The following DELE1 variants were observed in gnomAD, a reference collection of about 807,000 sequenced individuals.
DELE1 encodes the protein death ligand signal enhancer.
Under a neutral mutation model 59.3 loss-of-function variants are expected in DELE1, and 54 were observed. The observed-to-expected ratio is 0.91, with a 90% CI of 0.73 to 1.14. The LOEUF is 1.14. Among genes scored for constraint, DELE1 ranks in the 50% most tolerant of loss-of-function variants. The pLI is 0.00. For synonymous variants in DELE1, 264 were observed against 259.1 expected, an observed-to-expected ratio of 1.02 and a Z score of -0.18; for missense variants, 636 against 643.9, an observed-to-expected ratio of 0.99 and a Z score of 0.13.
chr5:141,928,450 C>A, intron 4 of DELE1, 152 bp downstream of exon 4: 1 of 932,856 alleles, frequency 1.1e-6, no homozygotes, highest in Non-Finnish European at 1.6e-6. Context: ...GAAGTTCTAT[C>A]CACCCAGGGC....
chr5:141,941,601 C>A lies in DELE1; in HGVS notation c.*2842C>A. 1 of 985,454 alleles carries A rather than the reference C, an allele frequency of 1.0e-6. No homozygotes were observed. Among genetic ancestry groups the A allele is most frequent in the Non-Finnish European group, 1.2e-6 (1 of 829,974 alleles). The allele number at this position is 985,454 out of a possible 1,614,324, so 61.0% of individuals were successfully genotyped here. ...GGGAGGTGGCTCCCATCAGCAGGGCCAGCCTGGGTCAGGATGCTGGGTTAA... is the reference window on the plus strand; with the variant it reads ...GGGAGGTGGCTCCCATCAGCAGGGCAAGCCTGGGTCAGGATGCTGGGTTAA... On this transcript the variant is annotated 3_prime_UTR_variant, in exon 12 of 12. Coordinates refer to ENST00000432126, the MANE Select transcript of DELE1 (RefSeq NM_014773.5).
rs137927996 is a variant in DELE1, at chr5:141,941,971, GCACA to G, written c.*3224_*3227del. The stretch of plus-strand genomic sequence containing the variant: ...TCGCCGCCTATACACACGCACACAC[GCACA>G]CACACACACACGGTTTCCTGTGCTA... On this transcript the variant is annotated 3_prime_UTR_variant, in exon 12 of 12. Transcript: ENST00000432126. The G allele has an allele frequency of 1.7e-4, 158 of 952,274 alleles. No individual in the cohort carries two copies. The East Asian group carries it at 4.6e-3, about 28-fold the overall frequency. 59.0% of individuals were successfully genotyped at this position (952,274 alleles called of 1,614,324 possible).
Position 141,934,422 on chromosome 5 carries a change from T to C in DELE1, c.1056+24T>C, listed in dbSNP as rs370549709. The C allele has an allele frequency of 1.4e-5, 23 of 1,614,186 alleles. No homozygotes were observed. In the African/African-American group the frequency reaches 2.8e-4, roughly 20 times the overall value. On this transcript the variant is annotated intron_variant, in intron 9 of 11. Coordinates refer to ENST00000432126, the MANE Select transcript of DELE1 (RefSeq NM_014773.5). ...AGGTGAGTGCCATTGGCAGGGTCTG[T>C]TCAAGGTCTCTGAGGCCTGTGGAGC... is the stretch of plus-strand genomic sequence containing the variant.
Position 141,934,569 on chromosome 5 carries a change from CT to C in DELE1, c.1134del (p.Ala379GlnfsTer31). On this transcript the variant is annotated frameshift_variant, in exon 10 of 12. Transcript: ENST00000432126. LOFTEE classifies it high-confidence loss of function. Reference sequence around the variant, plus strand: ...GCAGAGAGCTGTGAAATATCTTTGGCTTGCAGCCAACAATGGGGTATGCGAT... The same window carrying C: ...GCAGAGAGCTGTGAAATATCTTTGGCTGCAGCCAACAATGGGGTATGCGAT... ...DEQRAVKYLWLAANNGDSQSR... is the reference protein window; with the variant it reads ...DEQRAVKYLWXAANNGDSQSR... 6.2e-7 allele frequency: 1 copy of C among 1,614,246 alleles called. No individual in the cohort carries two copies. Among genetic ancestry groups the C allele is most frequent in the Non-Finnish European group, 8.5e-7 (1 of 1,180,030 alleles).
Position 141,923,972 on chromosome 5 carries a change from G to A in DELE1, c.31G>A (p.Ala11Thr), listed in dbSNP as rs567837140. MWRLPGLLGR[A>T]LPRTLGPSLW... ...GCGCCTCCCGGGACTCCTGGGCCGA[G>A]GTAAGGGACGTCCAAGCAACCAGCG... is the stretch of plus-strand genomic sequence containing the variant. Residue 11 changes from alanine to threonine, a missense_variant and splice_region_variant, in exon 1 of 12, where the codon GCT (alanine) becomes ACT (threonine). Ala to Thr is a moderately conservative substitution (Grantham distance 58). Transcript: ENST00000432126. 6.2e-7 allele frequency: 1 copy of A among 1,609,902 alleles called. No individual in the cohort carries two copies. The highest frequency in any genetic ancestry group is 8.5e-7 in the Non-Finnish European group (1 of 1,178,358).
chr5:141,929,977 T>C lies in DELE1; in HGVS notation c.572-12T>C. The C allele has an allele frequency of 6.2e-7, 1 of 1,613,438 alleles. No individual in the cohort carries two copies. Among genetic ancestry groups the C allele is most frequent in the Non-Finnish European group, 8.5e-7 (1 of 1,179,556 alleles). ...CCTTTGCCCTGGCCGGGTGTCGGCC[T>C]TTCCCTTGCAGGTCCCGGTGATTTT... On this transcript the variant is annotated splice_polypyrimidine_tract_variant and intron_variant, in intron 5 of 11. Transcript: ENST00000432126.
rs1752581942 is a variant in DELE1, at chr5:141,938,970, A to G, written c.*211A>G. On this transcript the variant is annotated 3_prime_UTR_variant, in exon 12 of 12. Coordinates refer to ENST00000432126, the MANE Select transcript of DELE1 (RefSeq NM_014773.5). ...ATGAGTCTTGGATGCATTCACAGTCATTTCTGGTCTGTGCACCAAAGGATG... is the reference window on the plus strand; with the variant it reads ...ATGAGTCTTGGATGCATTCACAGTCGTTTCTGGTCTGTGCACCAAAGGATG... 1.9e-5 allele frequency: 27 copies of G among 1,396,112 alleles called. No homozygotes were observed. The highest frequency in any genetic ancestry group is 2.5e-5 in the Non-Finnish European group (27 of 1,077,602). 86.5% of individuals were successfully genotyped at this position (1,396,112 alleles called of 1,614,324 possible). A position where few individuals can be genotyped will look rare whatever the true frequency, so the allele number is the denominator to read the frequency against.
At chr5:141,929,895 G>T in intron 5 of DELE1, 94 bp from the exon 6 acceptor site, 1 of 1,515,392 alleles carries the variant, frequency 6.6e-7, no homozygotes, top group Non-Finnish European at 9.2e-7. Flanking sequence ...TGGCAAGGGT[G>T]CTGGCTGGAA....
At position 141,933,397 on chromosome 5, in the gene DELE1, G is replaced by A. The variant is rs1167809505; in HGVS notation, c.893G>A (p.Ser298Asn). 1.6e-5 allele frequency: 24 copies of A among 1,493,682 alleles called. No homozygotes were observed. Among genetic ancestry groups the A allele is most frequent in the Non-Finnish European group, 2.2e-5 (24 of 1,100,112 alleles). The allele number at this position is 1,493,682 out of a possible 1,614,324, so 92.5% of individuals were successfully genotyped here. Residue 298 changes from serine to asparagine, a missense_variant, in exon 8 of 12, where the codon AGC becomes AAC. Physicochemically the swap from Ser to Asn is conservative, Grantham distance 46. Coordinates refer to ENST00000432126, the MANE Select transcript of DELE1 (RefSeq NM_014773.5). ...EHGRGTPRDI[S>N]KAVLYYQLAA... ...GGCAGAGGCACCCCCAGGGACATTA[G>A]CAAGGTATTCCCCTGCCCCCAAGCC...
At position 141,933,405 on chromosome 5, in the gene DELE1, T is replaced by G; in HGVS notation, c.897+4T>G. 1.4e-6 allele frequency: 2 copies of G among 1,478,744 alleles called. No individual in the cohort carries two copies. Among genetic ancestry groups the G allele is most frequent in the Non-Finnish European group, 1.8e-6 (2 of 1,091,916 alleles). 91.6% of individuals were successfully genotyped at this position (1,478,744 alleles called of 1,614,324 possible). A position where few individuals can be genotyped will look rare whatever the true frequency, so the allele number is the denominator to read the frequency against. ...CACCCCCAGGGACATTAGCAAGGTA[T>G]TCCCCTGCCCCCAAGCCTGCCTTCT... On this transcript the variant is annotated splice_donor_region_variant and intron_variant, in intron 8 of 11. Transcript: ENST00000432126.
Position 141,938,586 on chromosome 5 carries a change from T to G in DELE1, c.1375T>G (p.Leu459Val). The G allele has an allele frequency of 6.2e-7, 1 of 1,614,106 alleles. No homozygotes were observed. The highest frequency in any genetic ancestry group is 1.1e-5 in the South Asian group (1 of 91,082). The change falls in exon 12 of 12, where the codon TTG (leucine) becomes GTG (valine). Residue 459 changes from leucine (L) to valine (V), a missense_variant. Coordinates refer to ENST00000432126, the MANE Select transcript of DELE1 (RefSeq NM_014773.5). ...KSFSSPSLCS[L>V]NTLLAGTSRL... ...TTTCTCCAGCCCCTCCCTCTGCAGC[T>G]TGAACACCCTGCTAGCAGGAACCTC... is the stretch of plus-strand genomic sequence containing the variant.
intron 1 of DELE1, 85 bp from the exon 2 acceptor site, chr5:141,924,496 C>A: frequency 2.5e-6 from 2 of 786,954 alleles, no homozygotes; most frequent in Non-Finnish European, 4.5e-6. Flanking sequence ...CCATGTGTAT[C>A]CATGTTTAAG....
At chr5:141,924,071 GT>G in intron 1 of DELE1, 99 bp downstream of exon 1, 1 of 1,484,274 alleles carries the variant, frequency 6.7e-7, no homozygotes, top group Non-Finnish European at 9.2e-7. Flanking sequence ...CGTGGGCCGG[GT>G]TAGAGCCAAG....
chr5:141,924,650 A>G lies in DELE1; in HGVS notation c.101A>G (p.Gln34Arg), dbSNP rs1353861266. The G allele has an allele frequency of 1.7e-5, 28 of 1,614,042 alleles. No homozygotes were observed. The highest frequency in any genetic ancestry group is 2.3e-5 in the Non-Finnish European group (27 of 1,179,986). Reference protein sequence around the residue: ...TPKSTSPDGPQTTSSTLLVPV... With the variant: ...TPKSTSPDGPRTTSSTLLVPV... ...AAGTCCACCAGCCCAGATGGGCCTC[A>G]GACTACCTCCTCCACTTTGCTGGTT... Residue 34 changes from glutamine (Q) to arginine (R), a missense_variant, in exon 2 of 12, where the codon CAG (glutamine) becomes CGG (arginine). Transcript: ENST00000432126.
rs186752657 is a variant in DELE1 at position 141,941,970 on chromosome 5, C to A, written c.*3211C>A. On this transcript the variant is annotated 3_prime_UTR_variant, in exon 12 of 12. Transcript: ENST00000432126. ...CTCGCCGCCTATACACACGCACACA[C>A]GCACACACACACACACGGTTTCCTG... The A allele has an allele frequency of 1.2e-5, 12 of 980,964 alleles. No homozygotes were observed. The highest frequency in any genetic ancestry group is 1.4e-5 in the Non-Finnish European group (12 of 829,426). The allele number at this position is 980,964 out of a possible 1,614,324, so 60.8% of individuals were successfully genotyped here.
In DELE1 at chr5:141,939,025, A is replaced by G. The variant is rs1018905499; in HGVS notation, c.*266A>G. 3 of 1,282,478 alleles carry G rather than the reference A, an allele frequency of 2.3e-6. No homozygotes were observed. In the Admixed American group the frequency reaches 1.2e-4, roughly 50 times the overall value. The allele number at this position is 1,282,478 out of a possible 1,614,324, so 79.4% of individuals were successfully genotyped here. On this transcript the variant is annotated 3_prime_UTR_variant, in exon 12 of 12. Transcript: ENST00000432126. ...CAGTGACCTATGAAAAACCCTACTG[A>G]AGGGTCCAGAGACCCTGGTGCTCAC...
Position 141,933,490 on chromosome 5 carries a change from T to C in DELE1, c.897+89T>C, listed in dbSNP as rs1207784250. On this transcript the variant is annotated intron_variant, in intron 8 of 11. Transcript: ENST00000432126. ...GCAGTGGGCAGGGATGGGGGAAAGTTTGGCTTCTTTTCTCCACTTGGTTCT... is the reference window on the plus strand; with the variant it reads ...GCAGTGGGCAGGGATGGGGGAAAGTCTGGCTTCTTTTCTCCACTTGGTTCT... 5 of 1,070,692 alleles carry C rather than the reference T, an allele frequency of 4.7e-6. No individual in the cohort carries two copies. In the Admixed American group the frequency reaches 1.5e-4, roughly 33 times the overall value. The allele number at this position is 1,070,692 out of a possible 1,614,324, so 66.3% of individuals were successfully genotyped here. A position where few individuals can be genotyped will look rare whatever the true frequency, so the allele number is the denominator to read the frequency against.
chr5:141,941,200 TCA>T lies in DELE1; in HGVS notation c.*2444_*2445del, dbSNP rs770908910. ...GCCATAGCTGGGGCCGAGGGCTGGT[TCA>T]CAGTCTGGCCACTGGGCGTCCTGTG... On this transcript the variant is annotated 3_prime_UTR_variant, in exon 12 of 12. Transcript: ENST00000432126. 2.1e-5 allele frequency: 21 copies of T among 985,488 alleles called. No homozygotes were observed. The highest frequency in any genetic ancestry group is 6.1e-5 in the Admixed American group (1 of 16,288). 61.0% of individuals were successfully genotyped at this position (985,488 alleles called of 1,614,324 possible). A position where few individuals can be genotyped will look rare whatever the true frequency, so the allele number is the denominator to read the frequency against.
chr5:141,936,428 T>C (rs1161023529), intron 10 of DELE1, among the ~76,000 whole-genome samples: 3 of 152,170 alleles, frequency 2.0e-5, no homozygotes, highest in East Asian at 3.9e-4. Context: ...ATAGCGTTTT[T>C]TGTTTTGTTT....
Sources: allele counts gnomAD v4.1 joint callset (sites outside exome capture counted in the v4.1 genomes callset), GRCh38; gene constraint gnomAD v4.1.1; transcripts MANE v1.5; gene names NCBI Gene and HGNC (gene_info 2026-07-23, HGNC 2026-07-21).